The following FHIT variants were observed in gnomAD, a reference collection of about 807,000 sequenced individuals.
FHIT encodes fragile histidine triad diadenosine triphosphatase, also known as bis(5'-adenosyl)-triphosphatase.
In FHIT, 19 loss-of-function variants were observed where a neutral mutation model predicts 17.9. The ratio of observed to expected loss-of-function variants is 1.06; its 90% CI spans 0.74 to 1.56. The LOEUF (loss-of-function observed/expected upper bound fraction) is 1.56. FHIT is among the 40% of genes most tolerant of loss of function. The pLI, the probability that FHIT is intolerant of heterozygous loss-of-function variation, is 0.00. For synonymous variants in FHIT, 81 were observed against 69.7 expected, an observed-to-expected ratio of 1.16 and a Z score of -0.81; for missense variants, 248 against 189.2, an observed-to-expected ratio of 1.31 and a Z score of -1.82.
chr3:60,966,676 A>C (rs930102380), intron 3 of FHIT, among the ~76,000 whole-genome samples: 2 of 152,242 alleles, frequency 1.3e-5, no homozygotes, highest in Non-Finnish European at 2.9e-5. Context: ...GTCAAGCTAC[A>C]GTGTGGAAAA....
chr3:60,014,120 G>A lies in FHIT; in HGVS notation c.136C>T (p.Arg46Cys), dbSNP rs376796193. 297 of 1,613,938 alleles carry A rather than the reference G, an allele frequency of 1.8e-4. No homozygotes were observed. The highest frequency in any genetic ancestry group is 3.8e-4 in the South Asian group (35 of 91,090). The change falls in exon 6 of 10, where the codon CGC (arginine) becomes TGC (cysteine). Residue 46 changes from arginine to cysteine, a missense_variant. By Grantham distance (180) the Arg-to-Cys change is radical. Coordinates refer to ENST00000492590, the MANE Select transcript of FHIT (RefSeq NM_002012.4). ...TCATCAGGACGCAGGTCATGGAAGC[G>A]CTCCACTGGCCGCAGCGGGCACACA... ...VLVCPLRPVE[R>C]FHDLRPDEVA...
intron 5 of FHIT, among the ~76,000 whole-genome samples, chr3:60,413,479 C>T (rs1702138603): frequency 6.6e-6 from 1 of 152,174 alleles, no homozygotes; most frequent in Non-Finnish European, 1.5e-5. Flanking sequence ...TAAGAAGTAC[C>T]ATGCAAATTC....
chr3:60,254,017 C>T (rs1705858119), intron 5 of FHIT, among the ~76,000 whole-genome samples: 1 of 152,150 alleles, frequency 6.6e-6, no homozygotes, highest in Non-Finnish European at 1.5e-5. Context: ...TGAATACCTG[C>T]AATACCCTAC....
chr3:59,783,098 C>A (rs1464964745), intron 8 of FHIT, among the ~76,000 whole-genome samples: 1 of 152,108 alleles, frequency 6.6e-6, no homozygotes, highest in African/African-American at 2.4e-5. Flanking sequence ...TGACTCTGAT[C>A]CCAGAATACC....
At chr3:59,946,454 A>G (rs111569972) in intron 7 of FHIT, among the ~76,000 whole-genome samples, 1,681 of 152,324 alleles carry the variant, frequency 0.011, 32 homozygotes, top group African/African-American at 0.038. Flanking sequence ...GCATAAAATC[A>G]TATCATTTCC....
At chr3:60,860,184 CATGAGATACATCATATGTAT>C (rs1559778212) in intron 3 of FHIT, among the ~76,000 whole-genome samples, 20 of 136,422 alleles carry the variant, frequency 1.5e-4, no homozygotes, top group African/African-American at 3.4e-4. Context: ...ATATGGTATA[CATGAGATACATCATATGTAT>C]ATATGGTATA....
chr3:60,975,683 C>G (rs1426031600), intron 3 of FHIT, among the ~76,000 whole-genome samples: 4 of 152,132 alleles, frequency 2.6e-5, no homozygotes, highest in African/African-American at 9.7e-5. Context: ...ATATGACCCA[C>G]AGTGAAAAGT....
chr3:59,759,287 A>G (rs919945826), intron 8 of FHIT, among the ~76,000 whole-genome samples: 48 of 152,138 alleles, frequency 3.2e-4, no homozygotes, highest in African/African-American at 1.1e-3. Context: ...GAAGATAGGC[A>G]AGGAAGTAAA....
At chr3:60,052,511 A>C (rs1701922441) in intron 5 of FHIT, among the ~76,000 whole-genome samples, 1 of 152,130 alleles carries the variant, frequency 6.6e-6, no homozygotes, top group African/African-American at 2.4e-5. Flanking sequence ...ACCAGTAGGC[A>C]GCTCATCTGA....
chr3:60,403,004 C>A (rs1176720537), intron 5 of FHIT, among the ~76,000 whole-genome samples: 1 of 152,164 alleles, frequency 6.6e-6, no homozygotes, highest in Non-Finnish European at 1.5e-5. Context: ...CACAGAGATA[C>A]CAATAGTGCA....
At chr3:59,954,157 T>C (rs1187408339) in intron 7 of FHIT, among the ~76,000 whole-genome samples, 1 of 151,622 alleles carries the variant, frequency 6.6e-6, no homozygotes, top group Non-Finnish European at 1.5e-5. Flanking sequence ...GCACTTGCAC[T>C]ATTGTTTACA....
chr3:59,861,411 A>G (rs902520864), intron 8 of FHIT, among the ~76,000 whole-genome samples: 1 of 152,202 alleles, frequency 6.6e-6, no homozygotes, highest in Non-Finnish European at 1.5e-5. Flanking sequence ...ATTTTCAGAC[A>G]TCATTTAAGG....
chr3:59,839,967 T>C (rs1559650807), intron 8 of FHIT, among the ~76,000 whole-genome samples: 1 of 152,214 alleles, frequency 6.6e-6, no homozygotes, highest in African/African-American at 2.4e-5. Context: ...TTACTGACTT[T>C]TCAGTTTCAT....
chr3:60,912,487 C>T (rs1328878973), intron 3 of FHIT, among the ~76,000 whole-genome samples: 1 of 152,042 alleles, frequency 6.6e-6, no homozygotes, highest in African/African-American at 2.4e-5. Context: ...ATATGCCACC[C>T]CAAAATATGC....
chr3:59,995,871 A>C (rs1699486160), intron 7 of FHIT, among the ~76,000 whole-genome samples: 1 of 107,330 alleles, frequency 9.3e-6, no homozygotes, highest in African/African-American at 3.9e-5. Flanking sequence ...TTAAAAGGGG[A>C]CTGACACTAA....
chr3:60,449,141 C>G (rs1356048231), intron 5 of FHIT, among the ~76,000 whole-genome samples: 1 of 152,118 alleles, frequency 6.6e-6, no homozygotes. Context: ...GACCAAGTAT[C>G]TTTGAGAGGG....
chr3:61,053,772 T>C (rs1487666869), intron 2 of FHIT, among the ~76,000 whole-genome samples: 7 of 152,048 alleles, frequency 4.6e-5, no homozygotes, highest in Non-Finnish European at 1.0e-4. Flanking sequence ...CTCTGGCTAC[T>C]CAGGAAATTA....
At chr3:60,525,576 G>A (rs2107575761) in intron 5 of FHIT, among the ~76,000 whole-genome samples, 1 of 152,194 alleles carries the variant, frequency 6.6e-6, no homozygotes. Flanking sequence ...ATCCCTTTCT[G>A]GCTCTTTAAT....
chr3:60,906,267 A>T (rs564918727), intron 3 of FHIT, among the ~76,000 whole-genome samples: 1 of 152,334 alleles, frequency 6.6e-6, no homozygotes, highest in East Asian at 1.9e-4. Context: ...AGGATAGAGC[A>T]AATGAATCGA....
Sources: allele counts gnomAD v4.1 joint callset (sites outside exome capture counted in the v4.1 genomes callset), GRCh38; gene constraint gnomAD v4.1.1; transcripts MANE v1.5; gene names NCBI Gene and HGNC (gene_info 2026-07-23, HGNC 2026-07-21).